CAMKMT: variants seen among roughly 807,000 people sequenced by gnomAD.
CAMKMT encodes CaM KMT.
In CAMKMT, 53 loss-of-function variants were observed where a neutral mutation model predicts 48.0. The ratio of observed to expected loss-of-function variants is 1.10; its 90% confidence interval spans 0.89 to 1.39. The LOEUF (loss-of-function observed/expected upper bound fraction) is 1.39. Ranked by LOEUF, CAMKMT falls within the 40% of genes most tolerant of loss-of-function variation. The pLI, the probability that CAMKMT is intolerant of heterozygous loss-of-function variation, is 0.00. For synonymous variants in CAMKMT, 165 were observed against 152.3 expected (o/e 1.08, Z -0.61); for missense variants, 428 against 402.7 (o/e 1.06, Z -0.54).
chr2:44,401,376 G>A (rs1682363189), intron 3 of CAMKMT, among the ~76,000 whole-genome samples: 1 of 152,060 alleles, frequency 6.6e-6, no homozygotes, highest in South Asian at 2.1e-4. Context: ...GGCCAACATG[G>A]TGAAACTCCA....
chr2:44,460,862 A>G (rs2104618342), intron 3 of CAMKMT, among the ~76,000 whole-genome samples: 2 of 152,072 alleles, frequency 1.3e-5, no homozygotes, highest in East Asian at 3.9e-4. Flanking sequence ...AGCTGAGATC[A>G]CAGGCGCATA....
At chr2:44,557,475 G>A (rs906384411) in intron 3 of CAMKMT, among the ~76,000 whole-genome samples, 3 of 152,132 alleles carry the variant, frequency 2.0e-5, no homozygotes, top group East Asian at 1.9e-4. Flanking sequence ...TGAGGAAGGG[G>A]AATATTAGTG....
intron 7 of CAMKMT, among the ~76,000 whole-genome samples, chr2:44,735,293 C>A (rs1034366581): frequency 6.6e-6 from 1 of 152,120 alleles, no homozygotes; most frequent in Non-Finnish European, 1.5e-5. Context: ...GCTGTTTTGT[C>A]CAGTCTGACA....
At chr2:44,480,508 T>C (rs531363293) in intron 3 of CAMKMT, among the ~76,000 whole-genome samples, 115 of 152,082 alleles carry the variant, frequency 7.6e-4, no homozygotes, top group African/African-American at 2.6e-3. Context: ...TCTCTAGAAA[T>C]GCCTATTCAG....
At chr2:44,583,555 G>A (rs1006258184) in intron 3 of CAMKMT, among the ~76,000 whole-genome samples, 1 of 152,118 alleles carries the variant, frequency 6.6e-6, no homozygotes, top group Non-Finnish European at 1.5e-5. Context: ...CACTTTGGGA[G>A]GCTGAGACAA....
rs564142484 is a variant in CAMKMT, at chr2:44,434,661, C to A, written c.376+44356C>A. Among the ~76,000 whole-genome samples, 3 of 152,204 alleles carry A rather than the reference C, an allele frequency of 2.0e-5. No individual in the cohort carries two copies. In the East Asian group the frequency reaches 5.8e-4, roughly 29 times the overall value. ...ACACAAGTATGTTGAATGAATGAAGCAGCTTTGTGTGTGTGTGTATGTGTC... is the reference window on the plus strand; with the variant it reads ...ACACAAGTATGTTGAATGAATGAAGAAGCTTTGTGTGTGTGTGTATGTGTC... On this transcript the variant is annotated intron_variant, in intron 3 of 10. Coordinates refer to ENST00000378494, the MANE Select transcript of CAMKMT (RefSeq NM_024766.5).
intron 3 of CAMKMT, among the ~76,000 whole-genome samples, chr2:44,440,670 T>C (rs1297531603): frequency 1.3e-5 from 2 of 152,188 alleles, no homozygotes; most frequent in Non-Finnish European, 2.9e-5. Context: ...GTGGCTACTA[T>C]ATTGGACAGG....
At position 44,451,873 on chromosome 2, in the gene CAMKMT, A is replaced by G. The variant is rs183078387; in HGVS notation, c.376+61568A>G. 6.6e-4 allele frequency among the ~76,000 whole-genome samples: 101 copies of G among 151,906 alleles called. 1 individual carries two copies. The highest frequency in any genetic ancestry group is 1.1e-3 in the Admixed American group (16 of 15,232). On this transcript the variant is annotated intron_variant, in intron 3 of 10. Coordinates refer to ENST00000378494, the MANE Select transcript of CAMKMT (RefSeq NM_024766.5). ...CAATTTTAGAGAAAAAAAGCTTTCT[A>G]TTTTGATTGTAATAGCCAATAGCCA...
chr2:44,501,985 A>T (rs979088006), intron 3 of CAMKMT, among the ~76,000 whole-genome samples: 13 of 152,202 alleles, frequency 8.5e-5, no homozygotes, highest in African/African-American at 3.1e-4. Context: ...GGCAAAAATT[A>T]TCAAATAGGC....
At chr2:44,662,136 C>G (rs1674710629) in intron 3 of CAMKMT, among the ~76,000 whole-genome samples, 2 of 152,190 alleles carry the variant, frequency 1.3e-5, no homozygotes, top group Non-Finnish European at 2.9e-5. Flanking sequence ...GAAGACAGTT[C>G]CCATGTTTTA....
chr2:44,615,253 C>T (rs1671822427), intron 3 of CAMKMT, among the ~76,000 whole-genome samples: 1 of 151,934 alleles, frequency 6.6e-6, no homozygotes, highest in Admixed American at 6.6e-5. Flanking sequence ...ATTAACATGC[C>T]AGATGACTTT....
intron 3 of CAMKMT, among the ~76,000 whole-genome samples, chr2:44,515,483 G>A (rs554436842): frequency 6.6e-6 from 1 of 152,276 alleles, no homozygotes; most frequent in South Asian, 2.1e-4. Flanking sequence ...AATGGAATAG[G>A]CAATTCATTC....
chr2:44,550,146 T>A (rs1667629346), intron 3 of CAMKMT, among the ~76,000 whole-genome samples: 1 of 152,100 alleles, frequency 6.6e-6, no homozygotes, highest in South Asian at 2.1e-4. Context: ...ACATTTATAA[T>A]CCCATCACTC....
At chr2:44,531,503 G>A (rs1267501510) in intron 3 of CAMKMT, among the ~76,000 whole-genome samples, 1 of 152,118 alleles carries the variant, frequency 6.6e-6, no homozygotes, top group African/African-American at 2.4e-5. Flanking sequence ...AATTTCATTT[G>A]AATGAGAAGG....
rs188450207 is a variant in CAMKMT at position 44,443,176 on chromosome 2, G to T, written c.376+52871G>T. Reference sequence around the variant, plus strand: ...TGAAAAAATGTTCGTATCATTTGGTGCTTTATTCACTTGTATGGTAATCTA... The same window carrying T: ...TGAAAAAATGTTCGTATCATTTGGTTCTTTATTCACTTGTATGGTAATCTA... On this transcript the variant is annotated intron_variant, in intron 3 of 10. Transcript: ENST00000378494. 7.4e-3 allele frequency among the ~76,000 whole-genome samples: 1,120 copies of T among 152,214 alleles called. 16 individuals are homozygous for T. The highest frequency in any genetic ancestry group is 0.026 in the African/African-American group (1,072 of 41,542).
chr2:44,711,561 C>T (rs778462485), intron 6 of CAMKMT, among the ~76,000 whole-genome samples: 16 of 152,188 alleles, frequency 1.1e-4, no homozygotes, highest in Admixed American at 2.6e-4. Context: ...AGCTATCCTC[C>T]TGCCTCCACC....
intron 7 of CAMKMT, among the ~76,000 whole-genome samples, chr2:44,723,995 T>A (rs1240617642): frequency 1.3e-5 from 2 of 152,226 alleles, no homozygotes; most frequent in Non-Finnish European, 2.9e-5. Flanking sequence ...TGATGTTGCT[T>A]CCTTCTCTGA....
intron 2 of CAMKMT, among the ~76,000 whole-genome samples, chr2:44,375,665 C>T (rs1245553727): frequency 6.6e-6 from 1 of 152,070 alleles, no homozygotes; most frequent in African/African-American, 2.4e-5. Context: ...CTAGAAAATA[C>T]ACAGGGTAAG....
chr2:44,607,976 C>T (rs71420102), intron 3 of CAMKMT, among the ~76,000 whole-genome samples: 1 of 151,802 alleles, frequency 6.6e-6, no homozygotes, highest in African/African-American at 2.4e-5. Flanking sequence ...TCTCCCACCA[C>T]TAGATTATGT....
Sources: gnomAD v4.1 joint callset for allele counts (sites outside exome capture counted in the v4.1 genomes callset) on GRCh38, gnomAD v4.1.1 for gene constraint, MANE v1.5 for transcripts, NCBI Gene and HGNC (gene_info 2026-07-23, HGNC 2026-07-21) for gene names.